Variants in NEIL1 observed in about 807,000 individuals in gnomAD.
NEIL1 encodes endonuclease 8-like 1.
A neutral mutation model predicts 44.2 loss-of-function variants in NEIL1; 31 were observed. That is an observed-to-expected ratio of 0.70 (90% CI 0.53 to 0.95). The LOEUF (loss-of-function observed/expected upper bound fraction) is 0.95. NEIL1 is among the 40% of genes least tolerant of loss of function. The pLI is 0.00. For missense variants in NEIL1, 549 were observed against 515.5 expected, an observed-to-expected ratio of 1.07 and a Z score of -0.63; for synonymous variants, 254 against 209.7, an observed-to-expected ratio of 1.21 and a Z score of -1.83.
At chr15:75,350,086 A>G (rs2071763213) in intron 2 of NEIL1, among the ~76,000 whole-genome samples, 1 of 152,244 alleles carries the variant, frequency 6.6e-6, no homozygotes, top group African/African-American at 2.4e-5. Flanking sequence ...GGTCTCCCAC[A>G]TCCGGCCTGC....
At position 75,352,694 on chromosome 15, in the gene NEIL1, C is replaced by G. The variant is rs535812948; in HGVS notation, c.711C>G (p.Val237=). The G allele has an allele frequency of 6.2e-7, 1 of 1,610,440 alleles. No individual in the cohort carries two copies. The highest frequency in any genetic ancestry group is 1.1e-5 in the South Asian group (1 of 90,376). Residue 237 remains valine, a synonymous_variant, in exon 5 of 10, where the codon GTC becomes GTG. Coordinates refer to ENST00000355059, the MANE Select transcript of NEIL1 (RefSeq NM_024608.4). ...GTCACTCAGTGCCCAAGGAAGTGGTCCAGTTGGGTGAGGCCAAAGATGGCA... is the reference window on the plus strand; with the variant it reads ...GTCACTCAGTGCCCAAGGAAGTGGTGCAGTTGGGTGAGGCCAAAGATGGCA... ...ELCHSVPKEV[V]QLGGKGYGSE... is the part of the protein sequence containing the mutation.
chr15:75,348,660 C>T, intron 1 of NEIL1: 2 of 1,408,596 alleles, frequency 1.4e-6, no homozygotes, highest in South Asian at 1.6e-5. Context: ...AGCAGCAAGG[C>T]AGAGTCCTGC....
In NEIL1 at chr15:75,352,414, C is replaced by G. The variant is rs775885490; in HGVS notation, c.618+27C>G. The G allele has an allele frequency of 2.5e-6, 4 of 1,611,462 alleles. No individual in the cohort carries two copies. The African/African-American group carries it at 5.3e-5, about 22-fold the overall frequency. ...TAAGCCCAGAGAGGGATGGAGCACA[C>G]GTGCTGGCACACTGGTGTCCACATG... On this transcript the variant is annotated intron_variant, in intron 4 of 9. Coordinates refer to ENST00000355059, the MANE Select transcript of NEIL1 (RefSeq NM_024608.4).
At chr15:75,347,733 G>A (rs1006965591) in intron 1 of NEIL1, 1 of 939,954 alleles carries the variant, frequency 1.1e-6, no homozygotes, top group African/African-American at 1.8e-5. Context: ...ATGAGCTTTG[G>A]GGGGCCCTGA....
At chr15:75,349,413 AC>A in intron 2 of NEIL1, 74 bp downstream of exon 2, 1 of 1,415,880 alleles carries the variant, frequency 7.1e-7, no homozygotes, top group Non-Finnish European at 9.6e-7. Flanking sequence ...TTCTTGGCCA[AC>A]AAGGGGCGAG....
At chr15:75,349,640 CCT>C (rs2071727976) in intron 2 of NEIL1, 2 of 350,614 alleles carry the variant, frequency 5.7e-6, no homozygotes, top group Non-Finnish European at 1.1e-5. Context: ...ATGGTGAAAC[CCT>C]GTCTCTACTG....
intron 5 of NEIL1, chr15:75,352,997 C>G: frequency 3.1e-6 from 1 of 318,218 alleles, no homozygotes; most frequent in Non-Finnish European, 6.1e-6. Flanking sequence ...AAAAATTAGC[C>G]AGGTGTGGTG....
Position 75,355,743 on chromosome 15 carries a change from C to A in NEIL1, c.*709C>A. Reference sequence around the variant, plus strand: ...AAGCCATCCCACCCCAGACTTCCCACCCCCACCCCAAGCGTGAGGATGGGC... The same window carrying A: ...AAGCCATCCCACCCCAGACTTCCCAACCCCACCCCAAGCGTGAGGATGGGC... On this transcript the variant is annotated 3_prime_UTR_variant, in exon 10 of 10. Coordinates refer to ENST00000355059, the MANE Select transcript of NEIL1 (RefSeq NM_024608.4). The A allele has an allele frequency of 1.5e-6, 1 of 667,914 alleles. No homozygotes were observed. The highest frequency in any genetic ancestry group is 2.4e-6 in the Non-Finnish European group (1 of 418,244). 41.4% of individuals were successfully genotyped at this position (667,914 alleles called of 1,614,324 possible).
intron 1 of NEIL1, 126 bp from the exon 2 acceptor site, chr15:75,348,758 T>C: frequency 6.9e-7 from 1 of 1,457,418 alleles, no homozygotes; most frequent in Non-Finnish European, 9.0e-7. Context: ...GGCCCGCACT[T>C]TCCTGCCAGC....
At position 75,356,272 on chromosome 15, in the gene NEIL1, C is replaced by T. The variant is rs1466273282; in HGVS notation, c.*1238C>T. On this transcript the variant is annotated 3_prime_UTR_variant, in exon 10 of 10. Transcript: ENST00000355059. The surrounding 1 kb of genome is among the most constrained non-coding windows in gnomAD (Gnocchi z 5.8). ...GGCCGAGGGCAGGCCCAGTTCGGAA[C>T]CCCGTCCCCAGCACGTCCCACCCCT... is the stretch of plus-strand genomic sequence containing the variant. 1 of 1,611,964 alleles carries T rather than the reference C, an allele frequency of 6.2e-7. No homozygotes were observed. Among genetic ancestry groups the T allele is most frequent in the East Asian group, 2.2e-5 (1 of 44,802 alleles).
Position 75,356,712 on chromosome 15 carries a change from C to A in NEIL1, c.*1678C>A. ...TGGGGTGAGGAGGGCGCGTAGGGGC[C>A]ACGCTGAAGCTGTTGGAGTTGTGGT... On this transcript the variant is annotated 3_prime_UTR_variant, in exon 10 of 10. Coordinates refer to ENST00000355059, the MANE Select transcript of NEIL1 (RefSeq NM_024608.4). This position sits in a 1 kb window ranked among gnomAD's most constrained non-coding sequence, Gnocchi z 5.8. 1 of 1,610,870 alleles carries A rather than the reference C, an allele frequency of 6.2e-7. No homozygotes were observed. The highest frequency in any genetic ancestry group is 8.5e-7 in the Non-Finnish European group (1 of 1,178,524).
intron 1 of NEIL1, chr15:75,348,508 G>A: frequency 9.1e-7 from 1 of 1,097,780 alleles, no homozygotes; most frequent in Non-Finnish European, 1.1e-6. Flanking sequence ...TCAAGTGTCT[G>A]GGACAGAGGG....
intron 1 of NEIL1, 86 bp from the exon 2 acceptor site, chr15:75,348,798 C>T (rs759658301): frequency 5.3e-6 from 8 of 1,522,138 alleles, no homozygotes; most frequent in Non-Finnish European, 7.0e-6. Flanking sequence ...ATCTGACCCT[C>T]CGAGTTCTCC....
rs1207638469 is a variant in NEIL1 at position 75,348,461 on chromosome 15, G to C, written c.-22-423G>C. The C allele has an allele frequency of 9.7e-6, 10 of 1,028,800 alleles. No homozygotes were observed. The African/African-American group carries it at 1.5e-4, about 16-fold the overall frequency. 63.7% of individuals were successfully genotyped at this position (1,028,800 alleles called of 1,614,324 possible). A position where few individuals can be genotyped will look rare whatever the true frequency, so the allele number is the denominator to read the frequency against. ...GGAGAAAGAGACAGCGTGTGCGGAG[G>C]GGGTGCTCCCTCAGATGGGGGGTCA... On this transcript the variant is annotated intron_variant, in intron 1 of 9. Transcript: ENST00000355059.
rs1567267223 is a variant in NEIL1, at chr15:75,355,921, C to T, written c.*887C>T. The T allele has an allele frequency of 6.2e-7, 1 of 1,614,208 alleles. No individual in the cohort carries two copies. Among genetic ancestry groups the T allele is most frequent in the Admixed American group, 1.7e-5 (1 of 60,030 alleles). ...CCCCAGGGACTCAGTGTGGCGGAGG[C>T]TGAAGCACGAGCAACAGGGACAGCA... On this transcript the variant is annotated 3_prime_UTR_variant, in exon 10 of 10. Coordinates refer to ENST00000355059, the MANE Select transcript of NEIL1 (RefSeq NM_024608.4).
Position 75,355,820 on chromosome 15 carries a change from A to G in NEIL1, c.*786A>G. The G allele has an allele frequency of 1.3e-6, 2 of 1,529,004 alleles. No homozygotes were observed. Among genetic ancestry groups the G allele is most frequent in the Non-Finnish European group, 1.8e-6 (2 of 1,116,714 alleles). 94.7% of individuals were successfully genotyped at this position (1,529,004 alleles called of 1,614,324 possible). On this transcript the variant is annotated 3_prime_UTR_variant, in exon 10 of 10. Coordinates refer to ENST00000355059, the MANE Select transcript of NEIL1 (RefSeq NM_024608.4). ...CCGATCCAAGGATTTATTCCACAAG[A>G]AAAGACTGATCCCTGCTTTAGGCTG...
rs573480718 is a variant in NEIL1, at chr15:75,354,002, C to G, written c.846+136C>G. 4.1e-5 allele frequency: 51 copies of G among 1,230,660 alleles called. No individual in the cohort carries two copies. In the East Asian group the frequency reaches 1.0e-3, roughly 24 times the overall value. The allele number at this position is 1,230,660 out of a possible 1,614,324, so 76.2% of individuals were successfully genotyped here. The stretch of plus-strand genomic sequence containing the variant: ...GACCACACTGTTCCTGAGGGTCACA[C>G]CCCTCCCCTCCCATGCGTCCCAGGG... On this transcript the variant is annotated intron_variant, in intron 6 of 9. Coordinates refer to ENST00000355059, the MANE Select transcript of NEIL1 (RefSeq NM_024608.4).
In NEIL1 at chr15:75,352,138, T is replaced by C; in HGVS notation, c.462T>C (p.Asp154=). 1.2e-6 allele frequency: 2 copies of C among 1,614,144 alleles called. No homozygotes were observed. Among genetic ancestry groups the C allele is most frequent in the Non-Finnish European group, 1.7e-6 (2 of 1,180,022 alleles). ...FRENVLRNLA[D]KAFDRPICEA... ...AGAATGTGCTACGAAACCTAGCGGATAAGGCCTTTGACCGGCCCATCTGCG... is the reference window on the plus strand; with the variant it reads ...AGAATGTGCTACGAAACCTAGCGGACAAGGCCTTTGACCGGCCCATCTGCG... The change falls in exon 3 of 10, where the codon GAT becomes GAC. Residue 154 remains aspartate, a synonymous_variant. Coordinates refer to ENST00000355059, the MANE Select transcript of NEIL1 (RefSeq NM_024608.4).
At chr15:75,353,968 C>T in intron 6 of NEIL1, 102 bp downstream of exon 6, 1 of 1,475,350 alleles carries the variant, frequency 6.8e-7, no homozygotes, top group Non-Finnish European at 9.3e-7. Context: ...TCTGTCTAGA[C>T]CCTCCAAGGA....
Sources: allele counts gnomAD v4.1 joint callset (sites outside exome capture counted in the v4.1 genomes callset), GRCh38; gene constraint gnomAD v4.1.1; non-coding constraint Gnocchi (gnomAD v3.1); transcripts MANE v1.5; gene names NCBI Gene and HGNC (gene_info 2026-07-23, HGNC 2026-07-21).